NTM: variants seen among roughly 807,000 people sequenced by gnomAD.
NTM encodes IgLON family member 2.
A neutral mutation model predicts 42.1 loss-of-function variants in NTM; 13 were observed. The observed-to-expected ratio is 0.31, with a 90% confidence interval of 0.20 to 0.49. The LOEUF (loss-of-function observed/expected upper bound fraction) is 0.49, where lower values mean the gene tolerates loss of function less well. Among genes scored for constraint, NTM ranks in the 20% least tolerant of loss-of-function variants. The pLI, the probability that NTM is intolerant of heterozygous loss-of-function variation, is 0.99. For missense variants in NTM, 373 were observed against 452.8 expected (o/e 0.82, Z 1.60); for synonymous variants, 187 against 179.2 (o/e 1.04, Z -0.35).
chr11:132,042,551 C>G (rs1470783266), intron 2 of NTM, among the ~76,000 whole-genome samples: 1 of 152,200 alleles, frequency 6.6e-6, no homozygotes, highest in Non-Finnish European at 1.5e-5. Flanking sequence ...TGGACACCTC[C>G]AGTGAAAAGG....
chr11:131,496,706 A>G (rs1955382321), intron 1 of NTM, among the ~76,000 whole-genome samples: 2 of 152,218 alleles, frequency 1.3e-5, no homozygotes, highest in South Asian at 4.1e-4. Flanking sequence ...AATGCATTCA[A>G]TAAAACCGTT....
intron 3 of NTM, among the ~76,000 whole-genome samples, chr11:132,174,682 G>A (rs1302169841): frequency 2.6e-5 from 4 of 151,882 alleles, no homozygotes; most frequent in Non-Finnish European, 5.9e-5. Flanking sequence ...TTCTCTTTCT[G>A]GCAATGGCTC....
chr11:131,469,517 A>AT (rs2136167931), intron 1 of NTM, among the ~76,000 whole-genome samples: 1 of 152,244 alleles, frequency 6.6e-6, no homozygotes, highest in Non-Finnish European at 1.5e-5. Context: ...TAGACAGATA[A>AT]CTGACTGCAG....
chr11:131,508,929 A>G (rs2047875973), intron 1 of NTM, among the ~76,000 whole-genome samples: 1 of 150,248 alleles, frequency 6.7e-6, no homozygotes, highest in African/African-American at 2.5e-5. Flanking sequence ...AGATATACCT[A>G]ATGCTAGATG....
chr11:132,308,729 C>T (rs1371370714), intron 5 of NTM, among the ~76,000 whole-genome samples: 5 of 151,898 alleles, frequency 3.3e-5, no homozygotes, highest in African/African-American at 1.2e-4. Context: ...AATGTGAACC[C>T]AGTCAATATG....
At chr11:131,695,849 C>G (rs1028830756) in intron 1 of NTM, among the ~76,000 whole-genome samples, 4 of 152,140 alleles carry the variant, frequency 2.6e-5, no homozygotes, top group Non-Finnish European at 5.9e-5. Context: ...GCAAACTTTC[C>G]CAAGGAAACA....
At chr11:132,169,277 C>A (rs927385696) in intron 3 of NTM, among the ~76,000 whole-genome samples, 1 of 143,646 alleles carries the variant, frequency 7.0e-6, no homozygotes, top group African/African-American at 2.6e-5. Context: ...GCATTCTCAA[C>A]CAGTCATATT....
intron 1 of NTM, among the ~76,000 whole-genome samples, chr11:131,782,721 T>C (rs2088401357): frequency 6.6e-6 from 1 of 152,140 alleles, no homozygotes. Context: ...TAACTGTATA[T>C]TAATAAAATG....
chr11:132,327,575 C>T (rs1052263137), intron 7 of NTM, among the ~76,000 whole-genome samples: 9 of 152,104 alleles, frequency 5.9e-5, no homozygotes, highest in African/African-American at 1.2e-4. Flanking sequence ...TTTGTATATC[C>T]GTCTTCACAT....
intron 2 of NTM, among the ~76,000 whole-genome samples, chr11:132,028,985 G>A (rs113182095): frequency 0.022 from 3,300 of 152,140 alleles, 122 homozygotes; most frequent in African/African-American, 0.074. Flanking sequence ...TGAACCTCCA[G>A]CAACTCATCA....
rs73592207 is a variant in NTM, at chr11:131,634,272, C to T, written c.82+263384C>T. On this transcript the variant is annotated intron_variant, in intron 1 of 8. Coordinates refer to ENST00000683400, the MANE Select transcript of NTM (RefSeq NM_001352005.2). ...TCACGGAGGCATCTATGATTGAATG[C>T]GTCGAAAATTGGCTGAAATTGAAAG... Among the ~76,000 whole-genome samples the T allele has an allele frequency of 4.9e-3, 747 of 152,156 alleles. 6 individuals carry two copies. The highest frequency in any genetic ancestry group is 0.017 in the African/African-American group (702 of 41,504).
chr11:131,607,859 T>G (rs1264305442), intron 1 of NTM, among the ~76,000 whole-genome samples: 2 of 151,276 alleles, frequency 1.3e-5, no homozygotes, highest in Non-Finnish European at 2.9e-5. Flanking sequence ...GTACGCACGG[T>G]TTGATCGGTA....
At chr11:131,763,822 A>C (rs1198923595) in intron 1 of NTM, among the ~76,000 whole-genome samples, 1 of 139,692 alleles carries the variant, frequency 7.2e-6, no homozygotes, top group Non-Finnish European at 1.5e-5. Context: ...ATAATTTATT[A>C]TTTAATTATG....
intron 1 of NTM, among the ~76,000 whole-genome samples, chr11:131,777,293 C>T (rs2087184231): frequency 6.6e-6 from 1 of 152,198 alleles, no homozygotes; most frequent in Admixed American, 6.5e-5. Flanking sequence ...CATGCAGATA[C>T]CCATACACAT....
At chr11:132,103,412 G>T (rs1342317996) in intron 2 of NTM, among the ~76,000 whole-genome samples, 1 of 152,196 alleles carries the variant, frequency 6.6e-6, no homozygotes, top group Non-Finnish European at 1.5e-5. Flanking sequence ...TACAAATACA[G>T]TCTCCAGCTT....
Position 131,883,817 on chromosome 11 carries a change from C to G in NTM, c.83-27747C>G, listed in dbSNP as rs139859841. Among the ~76,000 whole-genome samples, 14 of 152,208 alleles carry G rather than the reference C, an allele frequency of 9.2e-5. No homozygotes were observed. The South Asian group carries it at 2.7e-3, about 29-fold the overall frequency. On this transcript the variant is annotated intron_variant, in intron 1 of 8. Coordinates refer to ENST00000683400, the MANE Select transcript of NTM (RefSeq NM_001352005.2). ...GGTAAACTTCACTCCCCTACCACCC[C>G]CTAAAAGTAGAAAGGGCAGCATCAT...
At chr11:132,179,934 T>A (rs1011444253) in intron 3 of NTM, among the ~76,000 whole-genome samples, 3 of 152,184 alleles carry the variant, frequency 2.0e-5, no homozygotes, top group Admixed American at 6.5e-5. Context: ...GTATGCTTCT[T>A]AACATCTCAG....
At chr11:132,265,567 T>C (rs1213232612) in intron 4 of NTM, among the ~76,000 whole-genome samples, 1 of 152,044 alleles carries the variant, frequency 6.6e-6, no homozygotes, top group Non-Finnish European at 1.5e-5. Flanking sequence ...GTTAATGTAA[T>C]CTAAGGGGAA....
At chr11:132,235,776 CT>C (rs1028185490) in intron 4 of NTM, among the ~76,000 whole-genome samples, 1 of 152,136 alleles carries the variant, frequency 6.6e-6, no homozygotes, top group Admixed American at 6.5e-5. Flanking sequence ...AGTGAACCCC[CT>C]GGGAAAATTT....
Sources: allele counts gnomAD v4.1 joint callset (sites outside exome capture counted in the v4.1 genomes callset), GRCh38; gene constraint gnomAD v4.1.1; transcripts MANE v1.5; gene names NCBI Gene and HGNC (gene_info 2026-07-23, HGNC 2026-07-21).